Variants in TRPM3 observed in about 807,000 individuals in gnomAD.
TRPM3 encodes the protein long transient receptor potential channel 3.
Under a neutral mutation model 181.2 loss-of-function variants are expected in TRPM3, and 77 were observed. That is an observed-to-expected ratio of 0.42 (90% CI 0.35 to 0.51). The LOEUF is 0.51. Among genes scored for constraint, TRPM3 ranks in the 20% least tolerant of loss-of-function variants. TRPM3 has a pLI of 0.01. For synonymous variants in TRPM3, 745 were observed against 796.4 expected, an observed-to-expected ratio of 0.94 and a Z score of 1.09; for missense variants, 1,759 against 2,196.7, an observed-to-expected ratio of 0.80 and a Z score of 3.98.
At chr9:71,159,002 C>CA (rs2134685913) in intron 1 of TRPM3, among the ~76,000 whole-genome samples, 1 of 152,064 alleles carries the variant, frequency 6.6e-6, no homozygotes, top group Admixed American at 6.6e-5. Context: ...CTCAGGCCCT[C>CA]AAACTATACC....
intron 1 of TRPM3, among the ~76,000 whole-genome samples, chr9:71,395,638 AATT>A (rs1245390847): frequency 2.6e-5 from 4 of 152,232 alleles, no homozygotes; most frequent in Non-Finnish European, 4.4e-5. Context: ...TCTGTTAGCA[AATT>A]AATTAAGCTT....
intron 1 of TRPM3, among the ~76,000 whole-genome samples, chr9:71,066,653 G>C (rs1251205215): frequency 6.6e-6 from 1 of 152,114 alleles, no homozygotes; most frequent in Non-Finnish European, 1.5e-5. Context: ...CTGAGTTTTG[G>C]CATATCAAGA....
chr9:71,388,399 A>G (rs1238278935), intron 1 of TRPM3, among the ~76,000 whole-genome samples: 1 of 152,192 alleles, frequency 6.6e-6, no homozygotes, highest in Non-Finnish European at 1.5e-5. Flanking sequence ...AGTGAGAAGA[A>G]AAATTTGCCA....
At chr9:71,041,936 A>C (rs1184730288) in intron 1 of TRPM3, among the ~76,000 whole-genome samples, 3 of 152,156 alleles carry the variant, frequency 2.0e-5, no homozygotes, top group Non-Finnish European at 4.4e-5. Context: ...TATAAAGATA[A>C]TTAAAAATAA....
chr9:70,971,981 C>G (rs1377553902), intron 1 of TRPM3, among the ~76,000 whole-genome samples: 4 of 152,166 alleles, frequency 2.6e-5, no homozygotes, highest in Non-Finnish European at 5.9e-5. Flanking sequence ...CCTTCAAACA[C>G]TGTTAGTGGG....
chr9:70,739,079 T>C (rs2073415868), intron 8 of TRPM3, among the ~76,000 whole-genome samples: 2 of 152,116 alleles, frequency 1.3e-5, no homozygotes, highest in African/African-American at 4.8e-5. Flanking sequence ...ACCAATCCTA[T>C]TGATATTATT....
Position 71,387,144 on chromosome 9 carries a change from T to C in TRPM3, c.183+59509A>G, listed in dbSNP as rs1232312391. On this transcript the variant is annotated intron_variant, in intron 1 of 24. Transcript: ENST00000357533. ...GTTAGAAGGAATAAATTAGACTCGA[T>C]TTTTGAAAATTTAGATTATCTAAAA... 2.6e-5 allele frequency among the ~76,000 whole-genome samples: 4 copies of C among 152,316 alleles called. No homozygotes were observed. The East Asian group carries it at 5.8e-4, about 22-fold the overall frequency.
chr9:70,842,066 G>T (rs893402960), intron 5 of TRPM3, among the ~76,000 whole-genome samples: 1 of 152,002 alleles, frequency 6.6e-6, no homozygotes, highest in Admixed American at 6.6e-5. Flanking sequence ...ACTCCATAAA[G>T]ATATTTTTTA....
chr9:71,006,188 G>A (rs1281168945), intron 1 of TRPM3, among the ~76,000 whole-genome samples: 1 of 152,020 alleles, frequency 6.6e-6, no homozygotes, highest in Admixed American at 6.5e-5. Flanking sequence ...ATCTGCAATT[G>A]ATACACTAAA....
chr9:70,784,288 A>G lies in TRPM3; in HGVS notation c.974-9T>C. The G allele has an allele frequency of 6.4e-7, 1 of 1,571,704 alleles. No homozygotes were observed. Among genetic ancestry groups the G allele is most frequent in the Admixed American group, 1.9e-5 (1 of 53,260 alleles). On this transcript the variant is annotated splice_polypyrimidine_tract_variant and intron_variant, in intron 6 of 25. Coordinates refer to ENST00000677713, the MANE Select transcript of TRPM3 (RefSeq NM_001366145.2). ...AACACCTTGACCGATTCCTGCATTA[A>G]AAAAGGAAAAGAAAAGGAAAAAAAG...
Position 71,353,649 on chromosome 9 carries a change from T to C in TRPM3, c.183+93004A>G, listed in dbSNP as rs547259714. Among the ~76,000 whole-genome samples, 30 of 152,320 alleles carry C rather than the reference T, an allele frequency of 2.0e-4. 1 individual carries two copies. The highest frequency in any genetic ancestry group is 7.2e-4 in the African/African-American group (30 of 41,572). ...TAGTGTCTGTCAATTGGAATGTGTT[T>C]CTTATTATCCTTGACAGATATCGCT... is the stretch of plus-strand genomic sequence containing the variant. On this transcript the variant is annotated intron_variant, in intron 1 of 24. Coordinates refer to the TRPM3 transcript ENST00000357533.
chr9:70,997,755 C>G (rs983841220), intron 1 of TRPM3, among the ~76,000 whole-genome samples: 4 of 152,110 alleles, frequency 2.6e-5, no homozygotes, highest in African/African-American at 9.7e-5. Flanking sequence ...TCCTGGGTAT[C>G]AACGTTAATT....
chr9:70,564,107 G>A (rs1377630886), intron 22 of TRPM3, among the ~76,000 whole-genome samples: 1 of 152,106 alleles, frequency 6.6e-6, no homozygotes, highest in Admixed American at 6.5e-5. Context: ...CTCTGGGAAG[G>A]GTTAGAAGAA....
At chr9:70,558,186 G>A (rs1288694226) in intron 22 of TRPM3, among the ~76,000 whole-genome samples, 1 of 152,140 alleles carries the variant, frequency 6.6e-6, no homozygotes, top group Admixed American at 6.5e-5. Flanking sequence ...GAGAAGGCCT[G>A]CCCAAGAGTG....
chr9:71,422,751 A>C (rs1195839082), intron 1 of TRPM3, among the ~76,000 whole-genome samples: 1 of 152,036 alleles, frequency 6.6e-6, no homozygotes, highest in African/African-American at 2.4e-5. Context: ...TACCCTTTGA[A>C]AATTAGTCAG....
chr9:71,151,091 G>T (rs1170576052), intron 1 of TRPM3, among the ~76,000 whole-genome samples: 5 of 152,160 alleles, frequency 3.3e-5, no homozygotes, highest in Non-Finnish European at 7.4e-5. Context: ...GAAATGAATA[G>T]GAGTGTGTGT....
rs115560051 is a variant in TRPM3 at position 70,584,600 on chromosome 9, C to T, written c.3223+6431G>A. ...TTATCATTATTCTAAACTGCTTCAC[C>T]TCTTAATTCTGAACACCAATTTACT... On this transcript the variant is annotated intron_variant, in intron 22 of 25. Transcript: ENST00000677713. 6.0e-3 allele frequency among the ~76,000 whole-genome samples: 915 copies of T among 152,292 alleles called. 1 individual carries two copies. Among genetic ancestry groups the T allele is most frequent in the African/African-American group, 0.021 (856 of 41,560 alleles).
chr9:70,750,060 G>A lies in TRPM3; in HGVS notation c.1272+11541C>T, dbSNP rs146204321. Among the ~76,000 whole-genome samples, 908 of 152,282 alleles carry A rather than the reference G, an allele frequency of 6.0e-3. 37 individuals are homozygous for A. Among genetic ancestry groups the A allele is most frequent in the Admixed American group, 0.053 (808 of 15,280 alleles). Reference sequence around the variant, plus strand: ...AAATAGTGTCAGGGTCCCTACAGAAGCAACGATATATAACAGCTTTCACCA... The same window carrying A: ...AAATAGTGTCAGGGTCCCTACAGAAACAACGATATATAACAGCTTTCACCA... On this transcript the variant is annotated intron_variant, in intron 8 of 25. Transcript: ENST00000677713.
chr9:70,840,872 T>C (rs1439114711), intron 5 of TRPM3, among the ~76,000 whole-genome samples: 1 of 151,946 alleles, frequency 6.6e-6, no homozygotes, highest in Non-Finnish European at 1.5e-5. Context: ...CATAAATAAA[T>C]AATCAACTGC....
Sources: gnomAD v4.1 joint callset for allele counts (sites outside exome capture counted in the v4.1 genomes callset) on GRCh38, gnomAD v4.1.1 for gene constraint, MANE v1.5 for transcripts, NCBI Gene and HGNC (gene_info 2026-07-23, HGNC 2026-07-21) for gene names.